The following FBXO32 variants were observed in gnomAD, a reference collection of about 807,000 sequenced individuals.
FBXO32 encodes F-box protein 32, also known as F-box only protein 32.
In FBXO32, 15 loss-of-function variants were observed where a neutral mutation model predicts 48.3. That is an observed-to-expected ratio of 0.31 (90% confidence interval 0.21 to 0.48). FBXO32 has a LOEUF of 0.48. Among genes scored for constraint, FBXO32 ranks in the 20% least tolerant of loss-of-function variants. The pLI, the probability that FBXO32 is intolerant of heterozygous loss-of-function variation, is 0.99. For synonymous variants in FBXO32, 154 were observed against 165.9 expected, an observed-to-expected ratio of 0.93 and a Z score of 0.55; for missense variants, 309 against 432.7, an observed-to-expected ratio of 0.71 and a Z score of 2.54.
intron 6 of FBXO32, among the ~76,000 whole-genome samples, chr8:123,508,014 G>A (rs1027521357): frequency 2.0e-5 from 3 of 152,194 alleles, no homozygotes; most frequent in Admixed American, 1.3e-4. Flanking sequence ...ATCCAGATAA[G>A]TCAATAGACC....
rs1270147351 is a variant in FBXO32, at chr8:123,501,685, C to G, written c.*1688G>C. On this transcript the variant is annotated 3_prime_UTR_variant, in exon 9 of 9. Coordinates refer to ENST00000517956, the MANE Select transcript of FBXO32 (RefSeq NM_058229.4). ...GTGTTGTATCATAGCTTGTCTCTTGCCTCGTTTCTCTCCATGCTTAGCCAT... is the reference window on the plus strand; with the variant it reads ...GTGTTGTATCATAGCTTGTCTCTTGGCTCGTTTCTCTCCATGCTTAGCCAT... 2.6e-5 allele frequency: 4 copies of G among 152,150 alleles called. No individual in the cohort carries two copies. The highest frequency in any genetic ancestry group is 4.4e-5 in the Non-Finnish European group (3 of 68,040). 9.4% of individuals were successfully genotyped at this position (152,150 alleles called of 1,614,324 possible).
chr8:123,531,562 G>A (rs538802867), intron 4 of FBXO32, among the ~76,000 whole-genome samples: 4 of 152,346 alleles, frequency 2.6e-5, no homozygotes, highest in African/African-American at 7.2e-5. Flanking sequence ...CAGGGCCAGC[G>A]TTGCCTGTGA....
intron 4 of FBXO32, among the ~76,000 whole-genome samples, chr8:123,526,258 C>T (rs933488335): frequency 6.6e-6 from 1 of 151,940 alleles, no homozygotes; most frequent in African/African-American, 2.4e-5. Flanking sequence ...AAACAACAGC[C>T]TCTGTCACCC....
At chr8:123,523,398 T>G (rs1817001950) in intron 4 of FBXO32, among the ~76,000 whole-genome samples, 1 of 152,174 alleles carries the variant, frequency 6.6e-6, no homozygotes. Flanking sequence ...GAGACCATCC[T>G]GGCCAATATG....
intron 4 of FBXO32, among the ~76,000 whole-genome samples, chr8:123,527,479 T>C (rs1817104456): frequency 6.6e-6 from 1 of 152,162 alleles, no homozygotes; most frequent in Non-Finnish European, 1.5e-5. Flanking sequence ...ACGGGGCAGT[T>C]GTTTGGGTAA....
chr8:123,523,938 C>T (rs1817017414), intron 4 of FBXO32, among the ~76,000 whole-genome samples: 1 of 152,176 alleles, frequency 6.6e-6, no homozygotes, highest in African/African-American at 2.4e-5. Flanking sequence ...GGTTCTACAG[C>T]ATTTACCAGG....
At chr8:123,509,985 T>C (rs1197812819) in intron 6 of FBXO32, among the ~76,000 whole-genome samples, 1 of 152,192 alleles carries the variant, frequency 6.6e-6, no homozygotes, top group Non-Finnish European at 1.5e-5. Context: ...TTATCCTACA[T>C]TGTTGCTGGG....
chr8:123,502,282 C>G lies in FBXO32; in HGVS notation c.*1091G>C, dbSNP rs1467861263. On this transcript the variant is annotated 3_prime_UTR_variant, in exon 9 of 9. Transcript: ENST00000517956. ...TGATTGTAAAACCTGTCTTTCGAGC[C>G]TCAGCACTTGGGCCCCACTCTGTCC... is the stretch of plus-strand genomic sequence containing the variant. 6.6e-6 allele frequency: 1 copy of G among 152,270 alleles called. No individual in the cohort carries two copies. Among genetic ancestry groups the G allele is most frequent in the Non-Finnish European group, 1.5e-5 (1 of 68,100 alleles). The allele number at this position is 152,270 out of a possible 1,614,324, so 9.4% of individuals were successfully genotyped here. A position where few individuals can be genotyped will look rare whatever the true frequency, so the allele number is the denominator to read the frequency against.
chr8:123,519,336 G>A (rs1322046365), intron 4 of FBXO32, among the ~76,000 whole-genome samples: 1 of 152,070 alleles, frequency 6.6e-6, no homozygotes, highest in Admixed American at 6.6e-5. Context: ...GGCGGATCAC[G>A]AGGTGAGGAG....
chr8:123,520,418 G>C (rs972987160), intron 4 of FBXO32, among the ~76,000 whole-genome samples: 2 of 152,272 alleles, frequency 1.3e-5, no homozygotes, highest in Non-Finnish European at 2.9e-5. Flanking sequence ...GATCTGCAGT[G>C]ACGAGCCGTG....
chr8:123,524,059 G>A (rs140361628), intron 4 of FBXO32, among the ~76,000 whole-genome samples: 67 of 152,332 alleles, frequency 4.4e-4, no homozygotes, highest in African/African-American at 1.5e-3. Context: ...TAAATTGAGA[G>A]TGCATGCTTA....
At chr8:123,531,243 A>G (rs1450852000) in intron 4 of FBXO32, among the ~76,000 whole-genome samples, 1 of 152,114 alleles carries the variant, frequency 6.6e-6, no homozygotes, top group Non-Finnish European at 1.5e-5. Context: ...TGGCCTCCCA[A>G]AGTGCTGGGA....
Position 123,501,298 on chromosome 8 carries a change from C to A in FBXO32, c.*2075G>T, listed in dbSNP as rs1349002040. 2 of 150,564 alleles carry A rather than the reference C, an allele frequency of 1.3e-5. No homozygotes were observed. The highest frequency in any genetic ancestry group is 4.9e-5 in the African/African-American group (2 of 40,990). 9.3% of individuals were successfully genotyped at this position (150,564 alleles called of 1,614,324 possible). On this transcript the variant is annotated 3_prime_UTR_variant, in exon 9 of 9. Coordinates refer to ENST00000517956, the MANE Select transcript of FBXO32 (RefSeq NM_058229.4). ...AACCTGACAATTATAGAAGAAGTAGCTTTTTATTCAGCAGTCTAGGTCCTG... is the reference window on the plus strand; with the variant it reads ...AACCTGACAATTATAGAAGAAGTAGATTTTTATTCAGCAGTCTAGGTCCTG...
intron 4 of FBXO32, among the ~76,000 whole-genome samples, chr8:123,520,560 A>G (rs1260653600): frequency 6.6e-6 from 1 of 152,186 alleles, no homozygotes; most frequent in Non-Finnish European, 1.5e-5. Context: ...TCTAGTTGCA[A>G]GCAATATCGT....
rs77820515 is a variant in FBXO32, at chr8:123,502,717, A to T, written c.*656T>A. 6.6e-6 allele frequency: 1 copy of T among 152,154 alleles called. No homozygotes were observed. The highest frequency in any genetic ancestry group is 2.4e-5 in the African/African-American group (1 of 41,426). 9.4% of individuals were successfully genotyped at this position (152,154 alleles called of 1,614,324 possible). ...CCAATATCCCTTTCCATTTTAAATC[A>T]CTTTTTATAGTGATGAAAACACTTA... On this transcript the variant is annotated 3_prime_UTR_variant, in exon 9 of 9. Coordinates refer to ENST00000517956, the MANE Select transcript of FBXO32 (RefSeq NM_058229.4).
intron 8 of FBXO32, among the ~76,000 whole-genome samples, chr8:123,504,249 T>G (rs949115981): frequency 1.3e-5 from 2 of 152,128 alleles, no homozygotes; most frequent in African/African-American, 2.4e-5. Context: ...GCATGGACCC[T>G]GAAACTACGT....
In FBXO32 at chr8:123,513,256, T is replaced by G. The variant is rs1343726054; in HGVS notation, c.593A>C (p.Tyr198Ser). ...VLVGNINMWV[Y>S]RMETILHWQQ... is the part of the protein sequence containing the mutation. Reference sequence around the variant, plus strand: ...CCAGTGGAGAATCGTCTCCATCCGATACACCCACATGTTAATGTTCCCGAC... The same window carrying G: ...CCAGTGGAGAATCGTCTCCATCCGAGACACCCACATGTTAATGTTCCCGAC... The change falls in exon 6 of 9, where the codon TAT becomes TCT. Residue 198 changes from tyrosine (Y) to serine (S), a missense_variant. Physicochemically the swap from Tyr to Ser is moderately radical, Grantham distance 144. Transcript: ENST00000517956. This position sits in a 1 kb window ranked among gnomAD's most constrained non-coding sequence, Gnocchi z 4.3. 1 of 1,614,234 alleles carries G rather than the reference T, an allele frequency of 6.2e-7. No homozygotes were observed. Among genetic ancestry groups the G allele is most frequent in the African/African-American group, 1.3e-5 (1 of 75,060 alleles).
chr8:123,534,810 A>G lies in FBXO32; in HGVS notation c.121T>C (p.Cys41Arg), dbSNP rs374382629. Residue 41 changes from cysteine to arginine, a missense_variant, in exon 2 of 9, where the codon TGC (cysteine) becomes CGC (arginine). Transcript: ENST00000517956. ...GSFVSDLSSY[C>R]NKEVYNKENL... ...TCCTTATTGTATACCTCCTTGTTGC[A>G]GTAACTATGAATAACAGAAGACAAA... 1 of 1,599,578 alleles carries G rather than the reference A, an allele frequency of 6.3e-7. No individual in the cohort carries two copies. Among genetic ancestry groups the G allele is most frequent in the East Asian group, 2.2e-5 (1 of 44,770 alleles).
intron 3 of FBXO32, 140 bp downstream of exon 3, chr8:123,533,051 A>C: frequency 1.5e-6 from 1 of 645,978 alleles, no homozygotes; most frequent in South Asian, 2.0e-5. Context: ...TTGGCTAAAT[A>C]ATAGACTAAT....
Sources: gnomAD v4.1 joint callset for allele counts (sites outside exome capture counted in the v4.1 genomes callset) on GRCh38, gnomAD v4.1.1 for gene constraint, Gnocchi (gnomAD v3.1) non-coding constraint, MANE v1.5 for transcripts, NCBI Gene and HGNC (gene_info 2026-07-23, HGNC 2026-07-21) for gene names.